Variants in PTPRD observed in about 807,000 individuals in gnomAD.
PTPRD encodes the protein receptor-type tyrosine-protein phosphatase delta.
In PTPRD, 34 loss-of-function variants were observed where a neutral mutation model predicts 214.5. The ratio of observed to expected loss-of-function variants is 0.16; its 90% CI spans 0.12 to 0.21. The LOEUF (loss-of-function observed/expected upper bound fraction) is 0.21. PTPRD is among the 10% of genes least tolerant of loss of function. The pLI is 1.00. For missense variants in PTPRD, 2,545 were observed against 2,398.7 expected (o/e 1.06, Z -1.27); for synonymous variants, 1,128 against 845.7 (o/e 1.33, Z -5.79).
At chr9:8,341,541 G>T in intron 40 of PTPRD, 152 bp downstream of exon 40, 1 of 941,614 alleles carries the variant, frequency 1.1e-6, no homozygotes, top group South Asian at 1.7e-5. Context: ...AAGAGGAAAA[G>T]GGGAGGAATA....
intron 3 of PTPRD, among the ~76,000 whole-genome samples, chr9:10,171,649 T>A (rs1340741702): frequency 6.6e-6 from 1 of 152,022 alleles, no homozygotes; most frequent in South Asian, 2.1e-4. Flanking sequence ...CTCAGCCTCC[T>A]GAGTAGCTGG....
intron 2 of PTPRD, among the ~76,000 whole-genome samples, chr9:10,487,226 G>C (rs1278709846): frequency 2.0e-5 from 3 of 151,980 alleles, no homozygotes; most frequent in Admixed American, 2.0e-4. Flanking sequence ...ACAGATCATT[G>C]GGTCTTCTTT....
chr9:10,487,143 G>A lies in PTPRD; in HGVS notation c.-600+125255C>T, dbSNP rs187044380. 2.3e-3 allele frequency among the ~76,000 whole-genome samples: 345 copies of A among 152,034 alleles called. 1 individual carries two copies. Among genetic ancestry groups the A allele is most frequent in the African/African-American group, 8.0e-3 (331 of 41,482 alleles). ...ACTCTCACTCTTCCTGGTTTCCATG[G>A]GCATATCTCTTTCCATTCCTTTATT... On this transcript the variant is annotated intron_variant, in intron 2 of 45. Transcript: ENST00000381196.
At chr9:9,224,609 T>C (rs1454870075) in intron 9 of PTPRD, among the ~76,000 whole-genome samples, 15 of 152,002 alleles carry the variant, frequency 9.9e-5, no homozygotes, top group African/African-American at 2.4e-5. Flanking sequence ...GTAAACGTAT[T>C]AATTATGGTT....
chr9:10,071,039 G>T (rs898992856), intron 3 of PTPRD, among the ~76,000 whole-genome samples: 1 of 151,918 alleles, frequency 6.6e-6, no homozygotes. Context: ...AATCAAATAC[G>T]TGGTATAAAT....
chr9:9,767,714 A>G (rs898536938), intron 5 of PTPRD, among the ~76,000 whole-genome samples: 26 of 152,120 alleles, frequency 1.7e-4, no homozygotes, highest in Non-Finnish European at 3.4e-4. Context: ...GATCTCTACC[A>G]CTATTTTGGA....
chr9:9,886,118 C>T (rs574774207), intron 5 of PTPRD, among the ~76,000 whole-genome samples: 2 of 152,094 alleles, frequency 1.3e-5, no homozygotes, highest in Non-Finnish European at 2.9e-5. Flanking sequence ...CCAGCCACTT[C>T]CGGAAAAAGA....
rs570796772 is a variant in PTPRD, at chr9:10,258,905, C to A, written c.-545+82058G>T. On this transcript the variant is annotated intron_variant, in intron 3 of 45. Coordinates refer to ENST00000381196, the MANE Select transcript of PTPRD (RefSeq NM_002839.4). Reference sequence around the variant, plus strand: ...CTGTATGGTGGAGAATGGATTTGTGCAAATAAAATATGATAAATTCAACTT... The same window carrying A: ...CTGTATGGTGGAGAATGGATTTGTGAAAATAAAATATGATAAATTCAACTT... 1.4e-4 allele frequency among the ~76,000 whole-genome samples: 22 copies of A among 152,270 alleles called. No individual in the cohort carries two copies. The East Asian group carries it at 4.2e-3, about 29-fold the overall frequency.
chr9:9,189,240 G>A (rs2099933589), intron 9 of PTPRD, among the ~76,000 whole-genome samples: 1 of 151,948 alleles, frequency 6.6e-6, no homozygotes, highest in African/African-American at 2.4e-5. Flanking sequence ...GAAAAATCAT[G>A]GAATTTTATA....
intron 30 of PTPRD, among the ~76,000 whole-genome samples, chr9:8,475,386 A>G (rs928135775): frequency 1.3e-5 from 2 of 152,280 alleles, no homozygotes; most frequent in Admixed American, 1.3e-4. Context: ...TTTCCTTAGC[A>G]GAATTTATCA....
chr9:8,504,202 C>A, intron 23 of PTPRD, 59 bp downstream of exon 23: 2 of 1,579,408 alleles, frequency 1.3e-6, no homozygotes, highest in Non-Finnish European at 1.7e-6. Flanking sequence ...AAGGTGAAAG[C>A]TAGCAACATC....
At chr9:9,965,756 T>C (rs187620301) in intron 4 of PTPRD, among the ~76,000 whole-genome samples, 33 of 152,284 alleles carry the variant, frequency 2.2e-4, no homozygotes, top group Admixed American at 1.2e-3. Context: ...GATATCACAA[T>C]TGTTAAATGA....
intron 10 of PTPRD, among the ~76,000 whole-genome samples, chr9:9,104,496 G>A (rs558373758): frequency 6.6e-6 from 1 of 152,200 alleles, no homozygotes; most frequent in South Asian, 2.1e-4. Context: ...TTTTATAAAG[G>A]CTGTTTAATG....
chr9:10,178,871 G>T (rs2099265130), intron 3 of PTPRD, among the ~76,000 whole-genome samples: 1 of 151,850 alleles, frequency 6.6e-6, no homozygotes, highest in South Asian at 2.1e-4. Context: ...AAATGTCCCG[G>T]TTGAAACTAC....
chr9:8,535,569 T>TC (rs2076729203), intron 14 of PTPRD, among the ~76,000 whole-genome samples: 1 of 151,936 alleles, frequency 6.6e-6, no homozygotes, highest in African/African-American at 2.4e-5. Flanking sequence ...CAACTGTTTT[T>TC]CCCTATATCA....
chr9:9,432,357 A>T (rs1361913568), intron 8 of PTPRD, among the ~76,000 whole-genome samples: 3 of 152,150 alleles, frequency 2.0e-5, no homozygotes, highest in Non-Finnish European at 4.4e-5. Context: ...GTTAAAATGT[A>T]CTTTGCATGC....
chr9:8,590,989 C>T (rs1365001693), intron 14 of PTPRD, among the ~76,000 whole-genome samples: 1 of 152,150 alleles, frequency 6.6e-6, no homozygotes, highest in African/African-American at 2.4e-5. Flanking sequence ...TTCCTTCTTG[C>T]ATTTTCCAGT....
chr9:8,760,132 C>T (rs1444362537), intron 11 of PTPRD, among the ~76,000 whole-genome samples: 4 of 152,294 alleles, frequency 2.6e-5, no homozygotes, highest in Admixed American at 2.0e-4. Context: ...GGTTTTACCA[C>T]ATTGGCCAGG....
At chr9:8,468,140 T>C (rs2096580361) in intron 31 of PTPRD, among the ~76,000 whole-genome samples, 2 of 152,174 alleles carry the variant, frequency 1.3e-5, no homozygotes, top group Middle Eastern at 6.8e-3. Flanking sequence ...ATTTGAGCTT[T>C]TGGGTATTCT....
Sources: allele counts gnomAD v4.1 joint callset (sites outside exome capture counted in the v4.1 genomes callset), GRCh38; gene constraint gnomAD v4.1.1; transcripts MANE v1.5; gene names NCBI Gene and HGNC (gene_info 2026-07-23, HGNC 2026-07-21).